Variants in ZNF276 observed in about 807,000 individuals in gnomAD.
The protein encoded by ZNF276 is zinc finger protein 276.
Under a neutral mutation model 63.9 loss-of-function variants are expected in ZNF276, and 59 were observed. That is an observed-to-expected ratio of 0.92 (90% CI 0.75 to 1.15). The LOEUF (loss-of-function observed/expected upper bound fraction) is 1.15. Ranked by LOEUF, ZNF276 falls within the 50% of genes most tolerant of loss-of-function variation. The probability of loss-of-function intolerance (pLI) is 0.00; values close to 1 mark genes in which losing one functional copy is unlikely to be tolerated. For missense variants in ZNF276, 1,084 were observed against 843.8 expected, an observed-to-expected ratio of 1.28 and a Z score of -3.53; for synonymous variants, 496 against 348.4, an observed-to-expected ratio of 1.42 and a Z score of -4.72.
At chr16:89,735,900 TTTG>T (rs201386465) in intron 9 of ZNF276, among the ~76,000 whole-genome samples, 54,937 of 140,838 alleles carry the variant, frequency 0.39, 11,590 homozygotes, top group East Asian at 0.78. Flanking sequence ...TGTTTGTTTG[TTTG>T]TTTTTTTGAC....
chr16:89,734,164 T>G, intron 9 of ZNF276, 126 bp downstream of exon 9: 1 of 788,046 alleles, frequency 1.3e-6, no homozygotes, highest in Non-Finnish European at 2.0e-6. Context: ...CATGGGGTCT[T>G]TGGTACTCAG....
chr16:89,729,170 G>C, intron 5 of ZNF276, 65 bp from the exon 6 acceptor site: 1 of 1,325,612 alleles, frequency 7.5e-7, no homozygotes, highest in Non-Finnish European at 1.1e-6. Flanking sequence ...TTAGGCAGGA[G>C]GTCGTGTTGG....
intron 1 of ZNF276, among the ~76,000 whole-genome samples, chr16:89,722,311 G>A (rs1389847426): frequency 6.6e-6 from 1 of 152,224 alleles, no homozygotes; most frequent in African/African-American, 2.4e-5. Context: ...CGCTGGAGAG[G>A]CCTTAGAGGC....
rs555344793 is a variant in ZNF276 at position 89,723,645 on chromosome 16, C to G, written c.942C>G (p.Ser314Arg). ...ATGTGGCCCAGCCTCCTTCGGACAGCGACGCGGTGGGGCCCAGGTCGGGCT... is the reference window on the plus strand; with the variant it reads ...ATGTGGCCCAGCCTCCTTCGGACAGGGACGCGGTGGGGCCCAGGTCGGGCT... ...STDVAQPPSD[S>R]DAVGPRSGFP... The change falls in exon 4 of 11, where the codon AGC becomes AGG. Residue 314 changes from serine (S) to arginine (R), a missense_variant. Physicochemically the swap from Ser to Arg is moderately radical, Grantham distance 110. Coordinates refer to ENST00000443381, the MANE Select transcript of ZNF276 (RefSeq NM_001113525.2). 6.2e-7 allele frequency: 1 copy of G among 1,612,590 alleles called. No homozygotes were observed. Among genetic ancestry groups the G allele is most frequent in the South Asian group, 1.1e-5 (1 of 91,076 alleles).
At chr16:89,726,670 G>A (rs888751344) in intron 4 of ZNF276, among the ~76,000 whole-genome samples, 4 of 150,224 alleles carry the variant, frequency 2.7e-5, no homozygotes, top group African/African-American at 7.4e-5. Context: ...TTTTTGAGTC[G>A]GAGTCTTGCT....
intron 6 of ZNF276, 164 bp from the exon 7 acceptor site, chr16:89,733,138 G>T (rs1283996598): frequency 1.5e-6 from 1 of 676,396 alleles, no homozygotes; most frequent in Non-Finnish European, 2.6e-6. Context: ...CTCCTGTCCA[G>T]AGTTGCTCTG....
chr16:89,740,535 C>G lies in ZNF276; in HGVS notation c.*2289C>G. The stretch of plus-strand genomic sequence containing the variant: ...CCTGTAATCCCAGCTACTCGGGAGG[C>G]TGATGCAGGAGAATTGCTTGAACCC... On this transcript the variant is annotated 3_prime_UTR_variant, in exon 11 of 11. Coordinates refer to ENST00000443381, the MANE Select transcript of ZNF276 (RefSeq NM_001113525.2). The G allele has an allele frequency of 3.9e-6, 2 of 514,738 alleles. No homozygotes were observed. Among genetic ancestry groups the G allele is most frequent in the Non-Finnish European group, 3.5e-6 (1 of 288,172 alleles). 31.9% of individuals were successfully genotyped at this position (514,738 alleles called of 1,614,324 possible).
At chr16:89,736,567 C>T (rs750163055) in intron 9 of ZNF276, among the ~76,000 whole-genome samples, 11 of 51,476 alleles carry the variant, frequency 2.1e-4, no homozygotes, top group East Asian at 3.0e-3. Flanking sequence ...ACTTCATGAT[C>T]CGCCTGCCTT....
At position 89,733,905 on chromosome 16, in the gene ZNF276, C is replaced by A. The variant is rs752109727; in HGVS notation, c.1357-16C>A. 60 of 1,611,492 alleles carry A rather than the reference C, an allele frequency of 3.7e-5. No homozygotes were observed. Among genetic ancestry groups the A allele is most frequent in the Non-Finnish European group, 5.0e-5 (59 of 1,178,170 alleles). ...GGGTGCGGCTCTGAGGGTCTCTCACCGAGTCTCTCCTTCAGAAGCACATCA... is the reference window on the plus strand; with the variant it reads ...GGGTGCGGCTCTGAGGGTCTCTCACAGAGTCTCTCCTTCAGAAGCACATCA... On this transcript the variant is annotated splice_polypyrimidine_tract_variant and intron_variant, in intron 8 of 10. Coordinates refer to ENST00000443381, the MANE Select transcript of ZNF276 (RefSeq NM_001113525.2).
chr16:89,721,471 G>A (rs2061268102), upstream of ZNF276: 3 of 556,910 alleles, frequency 5.4e-6, no homozygotes, highest in South Asian at 1.2e-4. Flanking sequence ...CGGCCGGCGG[G>A]GTCCCGCCCC....
chr16:89,738,032 C>T lies in ZNF276; in HGVS notation c.1631C>T (p.Thr544Ile). The change falls in exon 11 of 11, where the codon ACC becomes ATC. Residue 544 changes from threonine (T) to isoleucine (I), a missense_variant. Coordinates refer to ENST00000443381, the MANE Select transcript of ZNF276 (RefSeq NM_001113525.2). Reference protein sequence around the residue: ...RQRASLKYHMTKHKAETELDF... With the variant: ...RQRASLKYHMIKHKAETELDF... The stretch of plus-strand genomic sequence containing the variant: ...CGGGCATCCCTCAAGTACCACATGA[C>T]CAAACACAAGGCTGAGACTGAGCTG... 2 of 1,614,144 alleles carry T rather than the reference C, an allele frequency of 1.2e-6. No homozygotes were observed. Among genetic ancestry groups the T allele is most frequent in the East Asian group, 2.2e-5 (1 of 44,882 alleles).
At position 89,739,247 on chromosome 16, in the gene ZNF276, C is replaced by T. The variant is rs1477796994; in HGVS notation, c.*1001C>T. 5.6e-6 allele frequency: 9 copies of T among 1,614,068 alleles called. No homozygotes were observed. The African/African-American group carries it at 1.1e-4, about 19-fold the overall frequency. On this transcript the variant is annotated 3_prime_UTR_variant, in exon 11 of 11. Coordinates refer to ENST00000443381, the MANE Select transcript of ZNF276 (RefSeq NM_001113525.2). The stretch of plus-strand genomic sequence containing the variant: ...TGTCCACAGCAACATGCAGGAAGGC[C>T]TCTTCCCTGATGGCCGCGTCTTCAT...
Position 89,727,341 on chromosome 16 carries a change from A to G in ZNF276, c.1069A>G (p.Ser357Gly), listed in dbSNP as rs745460823. ...TSDDRVKDEF[S>G]DLSEGDVLSE... ...GGATGATCGGGTAAAAGACGAGTTC[A>G]GTGACCTTTCTGAGGGGTGAGAGAA... is the stretch of plus-strand genomic sequence containing the variant. Residue 357 changes from serine (S) to glycine (G), a missense_variant, in exon 5 of 11, where the codon AGT becomes GGT. Transcript: ENST00000443381. 2.5e-6 allele frequency: 4 copies of G among 1,614,138 alleles called. No individual in the cohort carries two copies. The highest frequency in any genetic ancestry group is 2.5e-6 in the Non-Finnish European group (3 of 1,180,016).
At chr16:89,729,140 TGGG>T in intron 5 of ZNF276, 92 bp from the exon 6 acceptor site, 1 of 968,374 alleles carries the variant, frequency 1.0e-6, no homozygotes, top group Non-Finnish European at 1.6e-6. Context: ...ATGTGGGACA[TGGG>T]GGTCCATTTG....
chr16:89,724,196 A>G (rs1162368989), intron 4 of ZNF276, among the ~76,000 whole-genome samples: 1 of 152,222 alleles, frequency 6.6e-6, no homozygotes, highest in Non-Finnish European at 1.5e-5. Flanking sequence ...GGGAAACACA[A>G]GGCCCTTGTT....
chr16:89,729,446 G>A, intron 6 of ZNF276, 128 bp downstream of exon 6: 1 of 827,368 alleles, frequency 1.2e-6, no homozygotes, highest in Non-Finnish European at 1.9e-6. Context: ...CGAGCCCAGT[G>A]AAACGTGGCT....
upstream of ZNF276, chr16:89,721,511 T>G (rs2061271400): frequency 1.6e-5 from 13 of 789,558 alleles, no homozygotes; most frequent in East Asian, 3.7e-5. Context: ...CCCGCCTCGC[T>G]TTGCTTCTCG....
chr16:89,724,845 C>A (rs573892910), intron 4 of ZNF276, among the ~76,000 whole-genome samples: 3 of 152,224 alleles, frequency 2.0e-5, no homozygotes, highest in African/African-American at 7.2e-5. Flanking sequence ...TATCTATCTT[C>A]CTACTTCTTT....
In ZNF276 at chr16:89,739,191, G is replaced by C. The variant is rs1005560269; in HGVS notation, c.*945G>C. 2.5e-6 allele frequency: 4 copies of C among 1,614,162 alleles called. No individual in the cohort carries two copies. The African/African-American group carries it at 5.3e-5, about 22-fold the overall frequency. ...AGGTGAAACTGTGCTTGTATCCCCA[G>C]CCACGAAGAGCTGGACCAGCTTCAA... On this transcript the variant is annotated 3_prime_UTR_variant, in exon 11 of 11. Transcript: ENST00000443381.
Sources: allele counts gnomAD v4.1 joint callset (sites outside exome capture counted in the v4.1 genomes callset), GRCh38; gene constraint gnomAD v4.1.1; transcripts MANE v1.5; gene names NCBI Gene and HGNC (gene_info 2026-07-23, HGNC 2026-07-21).